The following TSHR variants were observed in gnomAD, a reference collection of about 807,000 sequenced individuals.
TSHR encodes thyroid stimulating hormone receptor.
TSHR carries 51 observed loss-of-function variants against 64.1 expected under a neutral mutation model. That is an observed-to-expected ratio of 0.80 (90% CI 0.64 to 1.01). The LOEUF is 1.01. Ranked by LOEUF, TSHR falls within the 50% of genes least tolerant of loss-of-function variation. TSHR has a pLI of 0.00. For synonymous variants in TSHR, 361 were observed against 361.9 expected (o/e 1.00, Z 0.03); for missense variants, 877 against 942.8 (o/e 0.93, Z 0.91).
intron 1 of TSHR, among the ~76,000 whole-genome samples, chr14:81,008,902 C>A (rs11851120): frequency 0.011 from 1,613 of 152,172 alleles, 31 homozygotes; most frequent in African/African-American, 0.038. Flanking sequence ...TGTACCCATA[C>A]AATATGAAAT....
chr14:81,124,115 C>T (rs1890918860), intron 8 of TSHR, among the ~76,000 whole-genome samples: 1 of 152,136 alleles, frequency 6.6e-6, no homozygotes, highest in Admixed American at 6.5e-5. Flanking sequence ...GTTTTCATTA[C>T]AGGTATCAGC....
chr14:81,084,741 C>T (rs1888159402), intron 3 of TSHR, among the ~76,000 whole-genome samples: 1 of 152,208 alleles, frequency 6.6e-6, no homozygotes, highest in Non-Finnish European at 1.5e-5. Context: ...TTTCTGGCAG[C>T]ATAGCTAGCC....
chr14:81,119,499 G>A (rs1890691799), intron 8 of TSHR, among the ~76,000 whole-genome samples: 1 of 138,812 alleles, frequency 7.2e-6, no homozygotes, highest in Non-Finnish European at 1.5e-5. Flanking sequence ...ACACCAGTTA[G>A]AATGGCAATC....
chr14:81,087,912 A>G, intron 3 of TSHR, 42 bp from the exon 4 acceptor site: 1 of 1,348,678 alleles, frequency 7.4e-7, no homozygotes, highest in South Asian at 1.2e-5. Context: ...AAGAACAGAT[A>G]CGGATGCATT....
intron 1 of TSHR, among the ~76,000 whole-genome samples, chr14:81,060,367 C>T (rs899628197): frequency 3.9e-5 from 6 of 152,098 alleles, no homozygotes; most frequent in African/African-American, 1.2e-4. Flanking sequence ...CTTCAGAATC[C>T]GGATAACTCA....
chr14:81,060,641 A>G (rs1301926675), intron 1 of TSHR, among the ~76,000 whole-genome samples: 1 of 152,176 alleles, frequency 6.6e-6, no homozygotes, highest in Non-Finnish European at 1.5e-5. Context: ...GAATACTTCA[A>G]AGAAAGCATA....
chr14:81,126,124 TGA>T (rs564286435), intron 8 of TSHR, among the ~76,000 whole-genome samples: 31 of 152,192 alleles, frequency 2.0e-4, no homozygotes, highest in African/African-American at 7.5e-4. Flanking sequence ...GCCACTATTA[TGA>T]GAAAAAAGAA....
chr14:81,040,424 C>T (rs1884862507), intron 1 of TSHR, among the ~76,000 whole-genome samples: 1 of 151,906 alleles, frequency 6.6e-6, no homozygotes, highest in African/African-American at 2.4e-5. Context: ...TTGATAACAT[C>T]TGAAAAGCAT....
At chr14:81,037,309 G>A (rs12323893) in intron 1 of TSHR, among the ~76,000 whole-genome samples, 35,767 of 148,044 alleles carry the variant, frequency 0.24, 4,435 homozygotes, top group South Asian at 0.33. Context: ...AAAAAATTAC[G>A]GCAGATACAC....
chr14:80,962,829 A>G (rs74405273), intron 1 of TSHR, among the ~76,000 whole-genome samples: 3,935 of 152,298 alleles, frequency 0.026, 74 homozygotes, highest in Middle Eastern at 0.058. Flanking sequence ...ATTGTTTTGC[A>G]TTGCTACAAT....
At chr14:81,063,429 T>C (rs1886380912) in intron 2 of TSHR, among the ~76,000 whole-genome samples, 1 of 152,166 alleles carries the variant, frequency 6.6e-6, no homozygotes, top group South Asian at 2.1e-4. Context: ...TATTACCACT[T>C]GGATGTCCCA....
chr14:81,034,814 T>G (rs1884540350), intron 1 of TSHR, among the ~76,000 whole-genome samples: 1 of 152,214 alleles, frequency 6.6e-6, no homozygotes, highest in Non-Finnish European at 1.5e-5. Context: ...ACATAATAAT[T>G]TGCCTTTTTG....
chr14:81,008,318 G>GC (rs982922041), intron 1 of TSHR, among the ~76,000 whole-genome samples: 1 of 151,764 alleles, frequency 6.6e-6, no homozygotes, highest in Non-Finnish European at 1.5e-5. Context: ...GACTACAGGC[G>GC]CCCCCCACCA....
intron 2 of TSHR, among the ~76,000 whole-genome samples, chr14:81,062,557 T>C (rs1886320780): frequency 6.6e-6 from 1 of 152,138 alleles, no homozygotes. Context: ...AGTAAACATA[T>C]ATACAGATAG....
In TSHR at chr14:81,013,944, C is replaced by A. The variant is rs138694909; in HGVS notation, c.171-48204C>A. The A allele has an allele frequency of 4.6e-5, 7 of 152,164 alleles. No homozygotes were observed. In the East Asian group the frequency reaches 5.8e-4, roughly 13 times the overall value. 9.4% of individuals were successfully genotyped at this position (152,164 alleles called of 1,614,324 possible). ...TGGGATTTATGGGATTATTTCCACACTTAAAATGATTTGTGGGAAAAAAAA... is the reference window on the plus strand; with the variant it reads ...TGGGATTTATGGGATTATTTCCACAATTAAAATGATTTGTGGGAAAAAAAA... On this transcript the variant is annotated intron_variant, in intron 1 of 9. Coordinates refer to ENST00000298171, the MANE Select transcript of TSHR (RefSeq NM_000369.5).
At chr14:81,092,734 T>C (rs1888852370) in intron 6 of TSHR, 126 bp downstream of exon 6, 1 of 868,530 alleles carries the variant, frequency 1.2e-6, no homozygotes, top group South Asian at 1.4e-5. Flanking sequence ...CAAAGTGTTT[T>C]ACACAATTAA....
Position 80,991,995 on chromosome 14 carries a change from TAA to T in TSHR, c.170+36146_170+36147del, listed in dbSNP as rs576238731. On this transcript the variant is annotated intron_variant, in intron 1 of 9. Coordinates refer to ENST00000298171, the MANE Select transcript of TSHR (RefSeq NM_000369.5). ...CATTTGCTGGATCACTTAAATGCTC[TAA>T]GTCTCTGGTTCTCCTATAAACTGGG... is the stretch of plus-strand genomic sequence containing the variant. 37 of 167,672 alleles carry T rather than the reference TAA, an allele frequency of 2.2e-4. No individual in the cohort carries two copies. The East Asian group carries it at 5.4e-3, about 24-fold the overall frequency. 10.4% of individuals were successfully genotyped at this position (167,672 alleles called of 1,614,324 possible).
intron 1 of TSHR, among the ~76,000 whole-genome samples, chr14:80,975,711 T>C (rs179260): frequency 0.85 from 129,558 of 152,182 alleles, 55,925 homozygotes; most frequent in East Asian, 1. Flanking sequence ...CATTTTAGAT[T>C]CTTTCCTAAG....
At chr14:81,112,824 C>G (rs147242548) in intron 8 of TSHR, among the ~76,000 whole-genome samples, 94 of 152,280 alleles carry the variant, frequency 6.2e-4, no homozygotes, top group Middle Eastern at 3.4e-3. Context: ...GTGCAAAGAC[C>G]CCCAGGTGAG....
Sources: gnomAD v4.1 joint callset for allele counts (sites outside exome capture counted in the v4.1 genomes callset) on GRCh38, gnomAD v4.1.1 for gene constraint, MANE v1.5 for transcripts, NCBI Gene and HGNC (gene_info 2026-07-23, HGNC 2026-07-21) for gene names.